Variants in PNKD observed in about 807,000 individuals in gnomAD.
PNKD encodes probable thioesterase PNKD.
A neutral mutation model predicts 45.3 loss-of-function variants in PNKD; 36 were observed. That is an observed-to-expected ratio of 0.80 (90% CI 0.61 to 1.05). PNKD has a LOEUF of 1.05. PNKD is among the 50% of genes least tolerant of loss of function. The pLI is 0.00. For synonymous variants in PNKD, 197 were observed against 210.1 expected, an observed-to-expected ratio of 0.94 and a Z score of 0.54; for missense variants, 511 against 506.6, an observed-to-expected ratio of 1.01 and a Z score of -0.08.
At chr2:218,277,147 AG>A in intron 2 of PNKD, 1 of 1,545,052 alleles carries the variant, frequency 6.5e-7, no homozygotes, top group Non-Finnish European at 8.9e-7. Flanking sequence ...TGTGACAACC[AG>A]CCCAGTCAGA....
At chr2:218,280,034 TAA>T in intron 2 of PNKD, 1 of 1,613,914 alleles carries the variant, frequency 6.2e-7, no homozygotes, top group African/African-American at 1.3e-5. Context: ...ACCTTTCGGA[TAA>T]AAGTGTGTCG....
chr2:218,278,968 A>G, intron 2 of PNKD: 2 of 1,583,272 alleles, frequency 1.3e-6, no homozygotes, highest in South Asian at 1.1e-5. Context: ...CCCTGAGCAA[A>G]GCTGGTCACC....
At chr2:218,333,886 G>A (rs146556356) in intron 2 of PNKD, among the ~76,000 whole-genome samples, 1,760 of 150,778 alleles carry the variant, frequency 0.012, 44 homozygotes, top group African/African-American at 0.04. Context: ...AGGCCAAGGC[G>A]GGTGGATCAC....
intron 2 of PNKD, among the ~76,000 whole-genome samples, chr2:218,290,428 T>C (rs1692858205): frequency 6.6e-6 from 1 of 152,294 alleles, no homozygotes; most frequent in East Asian, 1.9e-4. Context: ...TCTTATAACC[T>C]CTGTGCGTAC....
chr2:218,319,049 G>T (rs564688980), intron 2 of PNKD, among the ~76,000 whole-genome samples: 2 of 143,778 alleles, frequency 1.4e-5, no homozygotes, highest in South Asian at 4.4e-4. Flanking sequence ...CCGCCTCCTG[G>T]GTTCAAGTGA....
rs1480535791 is a variant in PNKD, at chr2:218,277,572, G to A, written c.236+6023G>A. ...ACCCACGCAGCTGGCTGCCGGCCCA[G>A]GAACACCCCACTCCCCACAATACAC... On this transcript the variant is annotated intron_variant, in intron 2 of 9. Coordinates refer to ENST00000273077, the MANE Select transcript of PNKD (RefSeq NM_015488.5). The A allele has an allele frequency of 4.3e-6, 7 of 1,612,136 alleles. No homozygotes were observed. The African/African-American group carries it at 5.3e-5, about 12-fold the overall frequency.
At chr2:218,284,878 A>G (rs767924027) in intron 2 of PNKD, among the ~76,000 whole-genome samples, 1 of 152,164 alleles carries the variant, frequency 6.6e-6, no homozygotes, top group Non-Finnish European at 1.5e-5. Flanking sequence ...ATCACCTGAG[A>G]TCAGGAGTTC....
In PNKD at chr2:218,333,844, G is replaced by A. The variant is rs573686002; in HGVS notation, c.237-5939G>A. Among the ~76,000 whole-genome samples the A allele has an allele frequency of 4.0e-5, 6 of 151,626 alleles. No individual in the cohort carries two copies. The South Asian group carries it at 6.2e-4, about 16-fold the overall frequency. ...AACTTTTCATTTTGGGCCAGGCGCC[G>A]TGGCTCACACCTATAATCCCAACAC... On this transcript the variant is annotated intron_variant, in intron 2 of 9. Coordinates refer to ENST00000273077, the MANE Select transcript of PNKD (RefSeq NM_015488.5).
chr2:218,283,762 G>A (rs1574651234), intron 2 of PNKD, among the ~76,000 whole-genome samples: 1 of 152,326 alleles, frequency 6.6e-6, no homozygotes, highest in East Asian at 1.9e-4. Context: ...GAGGGTTGAG[G>A]AGGGGGAATT....
Position 218,318,950 on chromosome 2 carries a change from C to CTTT in PNKD, c.237-20813_237-20811dup, listed in dbSNP as rs769001811. On this transcript the variant is annotated intron_variant, in intron 2 of 9. Transcript: ENST00000273077. ...GCACAAATCTTTTCTTTTTTTTTTT[C>CTTT]TTTTTTTTTTTTTTTTTTTTTTGAG... is the stretch of plus-strand genomic sequence containing the variant. 9.0e-3 allele frequency among the ~76,000 whole-genome samples: 902 copies of CTTT among 99,670 alleles called. 49 individuals are homozygous for CTTT. Among genetic ancestry groups the CTTT allele is most frequent in the East Asian group, 0.025 (87 of 3,542 alleles). The allele number at this position is 99,670 out of a possible 152,430, so 65.4% of individuals were successfully genotyped here. A position where few individuals can be genotyped will look rare whatever the true frequency, so the allele number is the denominator to read the frequency against.
At chr2:218,277,585 C>A (rs1691355714) in intron 2 of PNKD, 1 of 1,613,436 alleles carries the variant, frequency 6.2e-7, no homozygotes, top group South Asian at 1.1e-5. Context: ...ACACCCCACT[C>A]CCCACAATAC....
At chr2:218,300,927 T>A (rs966914395) in intron 2 of PNKD, among the ~76,000 whole-genome samples, 1 of 152,206 alleles carries the variant, frequency 6.6e-6, no homozygotes, top group Non-Finnish European at 1.5e-5. Flanking sequence ...TCAATTAGGA[T>A]GTTACTTTTT....
At chr2:218,276,387 G>A (rs1486766830) in intron 2 of PNKD, among the ~76,000 whole-genome samples, 4 of 152,178 alleles carry the variant, frequency 2.6e-5, no homozygotes, top group Non-Finnish European at 5.9e-5. Context: ...GGCAGACCCA[G>A]CATTCAATAG....
chr2:218,303,313 A>G (rs1299210351), intron 2 of PNKD, among the ~76,000 whole-genome samples: 2 of 152,040 alleles, frequency 1.3e-5, no homozygotes, highest in Admixed American at 1.3e-4. Flanking sequence ...CAGATGGCTG[A>G]GGTGAGGGGG....
intron 2 of PNKD, among the ~76,000 whole-genome samples, chr2:218,291,755 T>C (rs527411550): frequency 6.6e-6 from 1 of 152,198 alleles, no homozygotes; most frequent in East Asian, 1.9e-4. Flanking sequence ...TCTGTTTTGT[T>C]TTCACTCTAA....
chr2:218,335,949 G>T (rs959005322), intron 2 of PNKD, among the ~76,000 whole-genome samples: 13 of 152,148 alleles, frequency 8.5e-5, no homozygotes, highest in Non-Finnish European at 1.9e-4. Context: ...AGGCGTGGTG[G>T]CTCATGTCTG....
intron 2 of PNKD, among the ~76,000 whole-genome samples, chr2:218,333,764 G>A (rs965811402): frequency 1.3e-5 from 2 of 151,940 alleles, no homozygotes; most frequent in Admixed American, 6.6e-5. Flanking sequence ...CTCAGGCATC[G>A]GTGCAAGGTG....
chr2:218,315,858 A>G (rs1195470546), intron 2 of PNKD, among the ~76,000 whole-genome samples: 1 of 152,228 alleles, frequency 6.6e-6, no homozygotes, highest in African/African-American at 2.4e-5. Flanking sequence ...CTATTATTGC[A>G]GTAATGCTGC....
intron 2 of PNKD, among the ~76,000 whole-genome samples, chr2:218,291,115 G>A (rs767616118): frequency 1.3e-4 from 20 of 152,140 alleles, no homozygotes; most frequent in Non-Finnish European, 5.9e-5. Flanking sequence ...AGCCCAGGTG[G>A]CTATTACCCC....
Sources: allele counts gnomAD v4.1 joint callset (sites outside exome capture counted in the v4.1 genomes callset), GRCh38; gene constraint gnomAD v4.1.1; transcripts MANE v1.5; gene names NCBI Gene and HGNC (gene_info 2026-07-23, HGNC 2026-07-21).